Variants in DLG2 observed in about 807,000 individuals in gnomAD.
The protein encoded by DLG2 is discs large MAGUK scaffold protein 2.
DLG2 carries 45 observed loss-of-function variants against 132.5 expected under a neutral mutation model. The observed-to-expected ratio is 0.34, with a 90% CI of 0.27 to 0.44. The LOEUF (loss-of-function observed/expected upper bound fraction) is 0.44. DLG2 is among the 20% of genes least tolerant of loss of function. The pLI, the probability that DLG2 is intolerant of heterozygous loss-of-function variation, is 1.00. For synonymous variants in DLG2, 424 were observed against 419.6 expected (o/e 1.01, Z -0.13); for missense variants, 1,045 against 1,196.9 (o/e 0.87, Z 1.87).
chr11:84,818,702 T>G (rs1379337484), intron 6 of DLG2, among the ~76,000 whole-genome samples: 2 of 151,894 alleles, frequency 1.3e-5, no homozygotes, highest in Non-Finnish European at 2.9e-5. Context: ...ATTAGGTCTA[T>G]CTCTAGAGAA....
intron 9 of DLG2, among the ~76,000 whole-genome samples, chr11:84,118,500 A>G (rs1364058830): frequency 2.6e-5 from 4 of 152,224 alleles, no homozygotes; most frequent in African/African-American, 9.6e-5. Flanking sequence ...TTCTCTAACG[A>G]GTTCATATTT....
chr11:84,624,457 ATTATTT>A (rs1222259255), intron 6 of DLG2, among the ~76,000 whole-genome samples: 1 of 152,142 alleles, frequency 6.6e-6, no homozygotes, highest in African/African-American at 2.4e-5. Flanking sequence ...GATTATTTAT[ATTATTT>A]TTATTATCAC....
chr11:85,143,517 A>T (rs2076634541), intron 5 of DLG2, among the ~76,000 whole-genome samples: 1 of 151,628 alleles, frequency 6.6e-6, no homozygotes, highest in South Asian at 2.1e-4. Context: ...ACAATGTATC[A>T]TTAGGTTATT....
chr11:84,172,634 C>T (rs1462490123), intron 8 of DLG2, among the ~76,000 whole-genome samples: 4 of 151,922 alleles, frequency 2.6e-5, no homozygotes, highest in Non-Finnish European at 5.9e-5. Context: ...CCTCCACCTC[C>T]CGAGTTCAAC....
intron 14 of DLG2, among the ~76,000 whole-genome samples, chr11:83,954,500 A>G (rs1267176237): frequency 6.6e-6 from 1 of 152,200 alleles, no homozygotes; most frequent in Non-Finnish European, 1.5e-5. Context: ...GCTTCAAAAC[A>G]TACATTATAG....
intron 6 of DLG2, among the ~76,000 whole-genome samples, chr11:84,567,642 G>A (rs913552175): frequency 1.7e-4 from 26 of 152,300 alleles, no homozygotes; most frequent in African/African-American, 4.6e-4. Flanking sequence ...CAAACTCTTT[G>A]AAAGTAGCGG....
At chr11:84,076,083 A>C (rs2082164613) in intron 10 of DLG2, among the ~76,000 whole-genome samples, 1 of 152,200 alleles carries the variant, frequency 6.6e-6, no homozygotes, top group Non-Finnish European at 1.5e-5. Flanking sequence ...TGAATTCATC[A>C]ATTTTTCCTT....
chr11:85,248,198 A>T (rs138532827), intron 4 of DLG2, among the ~76,000 whole-genome samples: 45 of 152,120 alleles, frequency 3.0e-4, no homozygotes, highest in Non-Finnish European at 5.4e-4. Flanking sequence ...AAACAAACGA[A>T]CTGAGGCCTG....
intron 7 of DLG2, among the ~76,000 whole-genome samples, chr11:84,321,239 A>G (rs932933268): frequency 1.3e-5 from 2 of 152,114 alleles, no homozygotes; most frequent in African/African-American, 4.8e-5. Flanking sequence ...GACCACTGTG[A>G]TGTCTAACCC....
At chr11:84,965,462 A>T (rs546344232) in intron 6 of DLG2, among the ~76,000 whole-genome samples, 72 of 152,260 alleles carry the variant, frequency 4.7e-4, no homozygotes, top group African/African-American at 1.6e-3. Context: ...ATATCTGAAG[A>T]TAGAAACTGT....
At chr11:85,442,633 A>G (rs1384068971) in intron 3 of DLG2, among the ~76,000 whole-genome samples, 2 of 152,152 alleles carry the variant, frequency 1.3e-5, no homozygotes, top group Non-Finnish European at 2.9e-5. Flanking sequence ...AGGCCAAAGA[A>G]GGAGGATGGC....
At chr11:83,526,485 C>T (rs2095613631) in intron 21 of DLG2, among the ~76,000 whole-genome samples, 2 of 152,096 alleles carry the variant, frequency 1.3e-5, no homozygotes, top group South Asian at 4.1e-4. Context: ...GTGCTAGGTG[C>T]TGGGGCATAC....
chr11:84,168,974 T>C (rs1293824530), intron 8 of DLG2, among the ~76,000 whole-genome samples: 4 of 152,146 alleles, frequency 2.6e-5, no homozygotes, highest in African/African-American at 9.7e-5. Context: ...ACACTTGACC[T>C]TACATACAGT....
chr11:85,584,937 C>T (rs992648065), intron 3 of DLG2, among the ~76,000 whole-genome samples: 3 of 152,206 alleles, frequency 2.0e-5, no homozygotes, highest in Non-Finnish European at 4.4e-5. Flanking sequence ...AAGATTTTCT[C>T]CCACTCTGTG....
intron 6 of DLG2, among the ~76,000 whole-genome samples, chr11:85,066,835 G>A (rs1402520800): frequency 6.6e-6 from 1 of 151,546 alleles, no homozygotes; most frequent in Non-Finnish European, 1.5e-5. Context: ...GACAACATGG[G>A]GAAAAGTTGA....
At chr11:84,041,172 T>A (rs2096068864) in intron 11 of DLG2, among the ~76,000 whole-genome samples, 1 of 151,998 alleles carries the variant, frequency 6.6e-6, no homozygotes, top group Admixed American at 6.6e-5. Context: ...GTATACTATA[T>A]GGATGCAATA....
intron 4 of DLG2, among the ~76,000 whole-genome samples, chr11:85,190,941 C>T (rs993201903): frequency 4.6e-5 from 7 of 152,166 alleles, no homozygotes; most frequent in African/African-American, 1.7e-4. Flanking sequence ...GTGGAAAGTA[C>T]TCTGGATATT....
At chr11:84,505,355 G>T (rs1299698971) in intron 7 of DLG2, among the ~76,000 whole-genome samples, 2 of 152,064 alleles carry the variant, frequency 1.3e-5, no homozygotes, top group Non-Finnish European at 2.9e-5. Flanking sequence ...CATCTCATTT[G>T]TCTTCACAAG....
chr11:84,461,258 A>G (rs770335037), intron 7 of DLG2, among the ~76,000 whole-genome samples: 10 of 150,910 alleles, frequency 6.6e-5, no homozygotes, highest in Non-Finnish European at 1.0e-4. Context: ...AGATGTTATC[A>G]CTATTTTATA....
Sources: gnomAD v4.1 joint callset for allele counts (sites outside exome capture counted in the v4.1 genomes callset) on GRCh38, gnomAD v4.1.1 for gene constraint, MANE v1.5 for transcripts, NCBI Gene and HGNC (gene_info 2026-07-23, HGNC 2026-07-21) for gene names.